Variants in RANBP2 observed in about 807,000 individuals in gnomAD.
RANBP2 encodes RAN binding protein 2.
Under a neutral mutation model 303.6 loss-of-function variants are expected in RANBP2, and 57 were observed. The observed-to-expected ratio is 0.19, with a 90% confidence interval of 0.15 to 0.23. The LOEUF (loss-of-function observed/expected upper bound fraction) is 0.23. Ranked by LOEUF, RANBP2 falls within the 10% of genes least tolerant of loss-of-function variation. The pLI is 1.00. For missense variants in RANBP2, 3,138 were observed against 3,780.8 expected (o/e 0.83, Z 4.46); for synonymous variants, 1,167 against 1,301.5 (o/e 0.90, Z 2.23).
chr2:109,587,052 A>C, the RANBP2 span, among the ~76,000 whole-genome samples: 1 of 152,240 alleles, frequency 6.6e-6, no homozygotes, highest in Non-Finnish European at 1.5e-5. Flanking sequence ...ACAGAAAGAG[A>C]GCCACAATGA....
At chr2:109,426,708 G>A in the RANBP2 span, among the ~76,000 whole-genome samples, 1 of 152,180 alleles carries the variant, frequency 6.6e-6, no homozygotes, top group African/African-American at 2.4e-5. Flanking sequence ...CTCCAATTTT[G>A]AAAGAAATTC....
the RANBP2 span, among the ~76,000 whole-genome samples, chr2:108,866,617 G>A: frequency 6.6e-6 from 1 of 152,200 alleles, no homozygotes; most frequent in African/African-American, 2.4e-5. Context: ...AGGCATGGTG[G>A]CTCATGCCTG....
At position 108,753,818 on chromosome 2, in the gene RANBP2, T is replaced by C; in HGVS notation, c.2056-7T>C. 1 of 1,611,974 alleles carries C rather than the reference T, an allele frequency of 6.2e-7. No homozygotes were observed. Among genetic ancestry groups the C allele is most frequent in the Non-Finnish European group, 8.5e-7 (1 of 1,179,832 alleles). On this transcript the variant is annotated splice_polypyrimidine_tract_variant and splice_region_variant and intron_variant, in intron 14 of 28. Transcript: ENST00000283195. ...CTAATGATTTCATAAAAGCACTATT[T>C]GTATAGATTTTTCACAGGAAGGCAG... is the stretch of plus-strand genomic sequence containing the variant.
At chr2:109,530,928 T>G in the RANBP2 span, among the ~76,000 whole-genome samples, 1 of 151,890 alleles carries the variant, frequency 6.6e-6, no homozygotes, top group Non-Finnish European at 1.5e-5. Flanking sequence ...GAGCCGACCC[T>G]CAAGACAAGG....
chr2:109,043,571 G>A, the RANBP2 span, among the ~76,000 whole-genome samples: 1 of 152,180 alleles, frequency 6.6e-6, no homozygotes, highest in East Asian at 1.9e-4. Context: ...CTGACCTCAG[G>A]AGAGCTGACT....
At chr2:109,044,933 C>T in the RANBP2 span, among the ~76,000 whole-genome samples, 5 of 152,130 alleles carry the variant, frequency 3.3e-5, no homozygotes, top group Non-Finnish European at 5.9e-5. Flanking sequence ...CTAAAGTCTT[C>T]GTAAGGATTA....
the RANBP2 span, among the ~76,000 whole-genome samples, chr2:109,102,005 C>T: frequency 6.6e-6 from 1 of 152,202 alleles, no homozygotes; most frequent in African/African-American, 2.4e-5. Flanking sequence ...TTCTAACGAT[C>T]ATAACAAAAA....
the RANBP2 span, among the ~76,000 whole-genome samples, chr2:109,418,554 C>A: frequency 1.3e-5 from 2 of 152,178 alleles, no homozygotes; most frequent in African/African-American, 4.8e-5. Context: ...CTTCCTTCCC[C>A]TCCACATCCC....
At chr2:108,836,082 G>A in the RANBP2 span, among the ~76,000 whole-genome samples, 196 of 152,236 alleles carry the variant, frequency 1.3e-3, no homozygotes, top group African/African-American at 4.3e-3. Context: ...TCTCAACACT[G>A]ATGTTTTGGG....
chr2:109,608,059 T>A, the RANBP2 span, among the ~76,000 whole-genome samples: 1 of 152,248 alleles, frequency 6.6e-6, no homozygotes, highest in Non-Finnish European at 1.5e-5. Flanking sequence ...ACATTTCTCA[T>A]CTATACACAT....
At chr2:108,816,257 C>T in the RANBP2 span, 1 of 557,452 alleles carries the variant, frequency 1.8e-6, no homozygotes, top group Non-Finnish European at 3.1e-6. Flanking sequence ...TTAAGACCAG[C>T]CTGGGCAACG....
At chr2:109,198,883 G>C in the RANBP2 span, among the ~76,000 whole-genome samples, 7,002 of 152,310 alleles carry the variant, frequency 0.046, 223 homozygotes, top group Non-Finnish European at 0.069. Flanking sequence ...GTAGGCAGTT[G>C]AGACATAGTG....
chr2:109,202,249 T>C, the RANBP2 span, among the ~76,000 whole-genome samples: 1 of 152,170 alleles, frequency 6.6e-6, no homozygotes, highest in Non-Finnish European at 1.5e-5. Context: ...GGCCCCCACC[T>C]TGCCTCCAGT....
the RANBP2 span, among the ~76,000 whole-genome samples, chr2:109,244,909 A>C: frequency 6.6e-6 from 1 of 152,200 alleles, no homozygotes; most frequent in South Asian, 2.1e-4. Flanking sequence ...AGTTAGAAGC[A>C]AGACAAAGTT....
At chr2:109,286,624 C>T in the RANBP2 span, among the ~76,000 whole-genome samples, 3 of 152,336 alleles carry the variant, frequency 2.0e-5, no homozygotes, top group African/African-American at 7.2e-5. Flanking sequence ...CTTCCACACC[C>T]ATGATTCTAA....
the RANBP2 span, among the ~76,000 whole-genome samples, chr2:108,894,099 GCTGA>G: frequency 1.9e-4 from 29 of 152,268 alleles, no homozygotes; most frequent in African/African-American, 6.5e-4. Context: ...ACCTAAGTCA[GCTGA>G]CTGACCCCCT....
the RANBP2 span, among the ~76,000 whole-genome samples, chr2:109,153,524 G>A: frequency 3.3e-3 from 496 of 152,330 alleles, 1 homozygote; most frequent in African/African-American, 0.011. Context: ...GAGGAAGCAT[G>A]GGCTCGGCTC....
At chr2:109,225,374 C>T in the RANBP2 span, among the ~76,000 whole-genome samples, 13 of 152,176 alleles carry the variant, frequency 8.5e-5, no homozygotes, top group Non-Finnish European at 1.8e-4. Context: ...CCGGGCTCCG[C>T]TTGGACCCAT....
chr2:108,728,599 A>C (rs1227642485), intron 1 of RANBP2, among the ~76,000 whole-genome samples: 1 of 14,148 alleles, frequency 7.1e-5, no homozygotes, highest in Admixed American at 1.6e-3. Flanking sequence ...CTTATTTATG[A>C]TGATGATGAT....
Sources: allele counts gnomAD v4.1 joint callset (sites outside exome capture counted in the v4.1 genomes callset), GRCh38; gene constraint gnomAD v4.1.1; transcripts MANE v1.5; gene names NCBI Gene and HGNC (gene_info 2026-07-23, HGNC 2026-07-21).